Variants in KIAA1549L observed in about 807,000 individuals in gnomAD.
KIAA1549L encodes the protein KIAA1549 like.
Under a neutral mutation model 160.7 loss-of-function variants are expected in KIAA1549L, and 88 were observed. The observed-to-expected ratio is 0.55, with a 90% CI of 0.46 to 0.65. The LOEUF is 0.65. Among genes scored for constraint, KIAA1549L ranks in the 30% least tolerant of loss-of-function variants. The probability of loss-of-function intolerance (pLI) is 0.00; values close to 1 mark genes in which losing one functional copy is unlikely to be tolerated. For synonymous variants in KIAA1549L, 950 were observed against 976.7 expected, an observed-to-expected ratio of 0.97 and a Z score of 0.51; for missense variants, 2,258 against 2,437.5, an observed-to-expected ratio of 0.93 and a Z score of 1.55.
In KIAA1549L at chr11:33,645,692, C is replaced by A; in HGVS notation, c.5416C>A (p.Pro1806Thr). The A allele has an allele frequency of 6.2e-7, 1 of 1,611,916 alleles. No homozygotes were observed. The change falls in exon 17 of 21, where the codon CCT becomes ACT. Residue 1806 changes from proline to threonine, a missense_variant. Physicochemically the swap from Pro to Thr is conservative, Grantham distance 38. This residue lies in a region of KIAA1549L where 1,359 missense variants were observed against 1,546.6 expected (regional missense o/e 0.88). Coordinates refer to ENST00000658780, the MANE Select transcript of KIAA1549L (RefSeq NM_012194.3). Reference sequence around the variant, plus strand: ...GCTTTGTTTCCTCCCACAGACTGAGCCTGAAATCATAGAGGAAACCAACAT... The same window carrying A: ...GCTTTGTTTCCTCCCACAGACTGAGACTGAAATCATAGAGGAAACCAACAT... ...GIRNSGYDTE[P>T]EIIEETNIDR...
At chr11:33,428,077 T>C (rs914702716) in intron 1 of KIAA1549L, among the ~76,000 whole-genome samples, 2 of 152,238 alleles carry the variant, frequency 1.3e-5, no homozygotes, top group African/African-American at 4.8e-5. Context: ...GCTATAAATA[T>C]GAATGTACAA....
intron 1 of KIAA1549L, among the ~76,000 whole-genome samples, chr11:33,483,901 CG>C (rs1471388280): frequency 2.6e-5 from 4 of 152,138 alleles, no homozygotes; most frequent in Non-Finnish European, 5.9e-5. Flanking sequence ...TTATCAGCAA[CG>C]TGAAAATAAA....
Position 33,583,347 on chromosome 11 carries a change from A to T in KIAA1549L, c.4412A>T (p.Lys1471Met). 6.2e-7 allele frequency: 1 copy of T among 1,604,872 alleles called. No homozygotes were observed. Among genetic ancestry groups the T allele is most frequent in the East Asian group, 2.2e-5 (1 of 44,516 alleles). The change falls in exon 11 of 21, where the codon AAG (lysine) becomes ATG (methionine). Residue 1471 changes from lysine to methionine, a missense_variant. Coordinates refer to ENST00000658780, the MANE Select transcript of KIAA1549L (RefSeq NM_012194.3). ...VVLLQADPVV[K>M]NPPNNLWIIA... ...TGGCTCTTTCCCACAGCCGTGGTGAAGAACCCGCCCAATAACCTGTGGATC... is the reference window on the plus strand; with the variant it reads ...TGGCTCTTTCCCACAGCCGTGGTGATGAACCCGCCCAATAACCTGTGGATC...
rs1854033987 is a variant in KIAA1549L, at chr11:33,541,970, A to G, written c.407A>G (p.Gln136Arg). ...GQSSDNTSLP[Q>R]SARTPASKTH... is the part of the protein sequence containing the mutation. Reference sequence around the variant, plus strand: ...TCCTCTGACAACACAAGCTTGCCACAGTCAGCCCGAACCCCTGCGTCCAAG... The same window carrying G: ...TCCTCTGACAACACAAGCTTGCCACGGTCAGCCCGAACCCCTGCGTCCAAG... Residue 136 changes from glutamine (Q) to arginine (R), a missense_variant, in exon 2 of 21, where the codon CAG becomes CGG. Around this residue, in one of 6 missense-constraint regions of KIAA1549L, gnomAD observed 540 missense variants for 465.7 expected, o/e 1.16. Coordinates refer to ENST00000658780, the MANE Select transcript of KIAA1549L (RefSeq NM_012194.3). 2.5e-6 allele frequency: 1 copy of G among 396,544 alleles called. No individual in the cohort carries two copies. Among genetic ancestry groups the G allele is most frequent in the Non-Finnish European group, 5.3e-6 (1 of 190,186 alleles). The allele number at this position is 396,544 out of a possible 1,614,324, so 24.6% of individuals were successfully genotyped here. A position where few individuals can be genotyped will look rare whatever the true frequency, so the allele number is the denominator to read the frequency against.
chr11:33,508,143 T>C (rs1441521140), intron 1 of KIAA1549L, among the ~76,000 whole-genome samples: 1 of 152,144 alleles, frequency 6.6e-6, no homozygotes, highest in East Asian at 1.9e-4. Flanking sequence ...TCTTGCGCAA[T>C]GCATCTGCTC....
At chr11:33,437,489 A>G (rs1006912549) in intron 1 of KIAA1549L, among the ~76,000 whole-genome samples, 2 of 152,236 alleles carry the variant, frequency 1.3e-5, no homozygotes, top group African/African-American at 4.8e-5. Flanking sequence ...CTGAGTTTGA[A>G]TCTTGGCTCT....
At chr11:33,613,212 C>T (rs1850692020) in intron 15 of KIAA1549L, among the ~76,000 whole-genome samples, 1 of 152,174 alleles carries the variant, frequency 6.6e-6, no homozygotes, top group African/African-American at 2.4e-5. Flanking sequence ...CTAATTTACA[C>T]TCCCACCAAC....
intron 10 of KIAA1549L, among the ~76,000 whole-genome samples, chr11:33,581,187 A>G (rs1855630830): frequency 6.6e-6 from 1 of 152,190 alleles, no homozygotes; most frequent in Non-Finnish European, 1.5e-5. Flanking sequence ...TGGACTGAGC[A>G]CTAGCCATCC....
At position 33,594,111 on chromosome 11, in the gene KIAA1549L, G is replaced by A. The variant is rs571361226; in HGVS notation, c.4751+2690G>A. ...GTAATTTGAGAAGGAAGGAGGGATC[G>A]TCTGTATCAATTACCCACATTTTGT... On this transcript the variant is annotated intron_variant, in intron 12 of 20. Transcript: ENST00000658780. Among the ~76,000 whole-genome samples, 231 of 152,120 alleles carry A rather than the reference G, an allele frequency of 1.5e-3. 1 individual carries two copies. Among genetic ancestry groups the A allele is most frequent in the Admixed American group, 3.2e-3 (49 of 15,282 alleles).
At chr11:33,592,254 T>C (rs887400404) in intron 12 of KIAA1549L, among the ~76,000 whole-genome samples, 7 of 152,222 alleles carry the variant, frequency 4.6e-5, no homozygotes, top group Non-Finnish European at 8.8e-5. Flanking sequence ...ATCTGACCTT[T>C]ATTATCTAGG....
At chr11:33,491,210 T>C (rs1852650513) in intron 1 of KIAA1549L, among the ~76,000 whole-genome samples, 1 of 152,182 alleles carries the variant, frequency 6.6e-6, no homozygotes. Context: ...AGAAGCCTCA[T>C]GGAATCCTGG....
intron 1 of KIAA1549L, among the ~76,000 whole-genome samples, chr11:33,486,041 G>T (rs1007540871): frequency 3.3e-5 from 5 of 152,180 alleles, no homozygotes; most frequent in Non-Finnish European, 5.9e-5. Flanking sequence ...CACTTAGGCT[G>T]ATTGCGTATT....
In KIAA1549L at chr11:33,559,921, G is replaced by A. The variant is rs1470470004; in HGVS notation, c.4018+10G>A. 18 of 1,612,660 alleles carry A rather than the reference G, an allele frequency of 1.1e-5. No homozygotes were observed. The highest frequency in any genetic ancestry group is 1.5e-5 in the Non-Finnish European group (18 of 1,178,742). The stretch of plus-strand genomic sequence containing the variant: ...CTAACCATTGCTGAACGTGAGTATG[G>A]CCATGCCTATGGGGACCCCAGTGTT... On this transcript the variant is annotated intron_variant, in intron 7 of 20. Transcript: ENST00000658780.
chr11:33,559,632 C>G, intron 6 of KIAA1549L, 117 bp from the exon 7 acceptor site: 2 of 750,844 alleles, frequency 2.7e-6, no homozygotes, highest in Non-Finnish European at 4.5e-6. Context: ...GTTTCCCTGA[C>G]CCCCTTTCAT....
At chr11:33,547,982 C>T in intron 4 of KIAA1549L, 103 bp downstream of exon 4, 1 of 744,926 alleles carries the variant, frequency 1.3e-6, no homozygotes, top group Non-Finnish European at 2.3e-6. Context: ...CATAACAACA[C>T]TGGCCAGAAG....
chr11:33,408,510 T>TACAC (rs35886017), intron 1 of KIAA1549L, among the ~76,000 whole-genome samples: 11 of 146,102 alleles, frequency 7.5e-5, no homozygotes, highest in Non-Finnish European at 1.5e-4. Context: ...TATATATATA[T>TACAC]ACACATGTAT....
intron 11 of KIAA1549L, among the ~76,000 whole-genome samples, chr11:33,590,278 A>C (rs1161214961): frequency 1.3e-5 from 2 of 152,240 alleles, no homozygotes; most frequent in Admixed American, 6.5e-5. Flanking sequence ...GAGTTGCAGT[A>C]ACTTACCCAA....
At chr11:33,644,855 C>A (rs1450008888) in intron 16 of KIAA1549L, among the ~76,000 whole-genome samples, 4 of 152,236 alleles carry the variant, frequency 2.6e-5, no homozygotes, top group African/African-American at 7.2e-5. Flanking sequence ...GTGGAATAAA[C>A]TCCTACAGGC....
rs143472491 is a variant in KIAA1549L at position 33,425,870 on chromosome 11, C to T, written c.238+48981C>T. Among the ~76,000 whole-genome samples the T allele has an allele frequency of 1.3e-3, 193 of 152,284 alleles. 1 individual carries two copies. The highest frequency in any genetic ancestry group is 4.4e-3 in the African/African-American group (181 of 41,556). On this transcript the variant is annotated intron_variant, in intron 1 of 20. Transcript: ENST00000658780. ...AAACATCACTTCTTTGGGATTTTTACTGAAAATGCACAAGTTCAGTCTAAG... is the reference window on the plus strand; with the variant it reads ...AAACATCACTTCTTTGGGATTTTTATTGAAAATGCACAAGTTCAGTCTAAG...
Sources: gnomAD v4.1 joint callset for allele counts (sites outside exome capture counted in the v4.1 genomes callset) on GRCh38, gnomAD v4.1.1 for gene constraint, gnomAD v4.1.1 regional missense constraint, MANE v1.5 for transcripts, NCBI Gene and HGNC (gene_info 2026-07-23, HGNC 2026-07-21) for gene names.